Variants in RNF130 observed in about 807,000 individuals in gnomAD.
The protein encoded by RNF130 is E3 ubiquitin-protein ligase RNF130.
A neutral mutation model predicts 44.6 loss-of-function variants in RNF130; 21 were observed. That is an observed-to-expected ratio of 0.47 (90% CI 0.33 to 0.68). The LOEUF (loss-of-function observed/expected upper bound fraction) is 0.68. Among genes scored for constraint, RNF130 ranks in the 30% least tolerant of loss-of-function variants. The pLI is 0.02. For synonymous variants in RNF130, 214 were observed against 210.4 expected (o/e 1.02, Z -0.15); for missense variants, 479 against 560.6 (o/e 0.85, Z 1.47).
At chr5:180,011,790 T>TA (rs1393656160) in intron 3 of RNF130, among the ~76,000 whole-genome samples, 2 of 151,906 alleles carry the variant, frequency 1.3e-5, no homozygotes, top group East Asian at 1.9e-4. Context: ...TTTTTTAAAT[T>TA]AAAAAAGTAT....
chr5:179,920,708 T>A (rs1265306113), intron 7 of RNF130, among the ~76,000 whole-genome samples: 1 of 151,898 alleles, frequency 6.6e-6, no homozygotes, highest in Non-Finnish European at 1.5e-5. Flanking sequence ...CTTAGAAACG[T>A]GAAGACTTCT....
In RNF130 at chr5:179,977,590, C is replaced by T. The variant is rs562948777; in HGVS notation, c.848+613G>A. 3.4e-4 allele frequency among the ~76,000 whole-genome samples: 51 copies of T among 152,176 alleles called. No individual in the cohort carries two copies. Among genetic ancestry groups the T allele is most frequent in the Non-Finnish European group, 5.6e-4 (38 of 68,032 alleles). ...AAAACAGGCCGGGTGCGGTGGCTCA[C>T]GCCTGTAATCCCAGGACTTTGGGAG... is the stretch of plus-strand genomic sequence containing the variant. On this transcript the variant is annotated intron_variant, in intron 5 of 8. Transcript: ENST00000521389. The surrounding 1 kb of genome is among the most constrained non-coding windows in gnomAD (Gnocchi z 4.1).
At position 180,052,777 on chromosome 5, in the gene RNF130, G is replaced by A. The variant is rs112924412; in HGVS notation, c.248-12130C>T. Among the ~76,000 whole-genome samples the A allele has an allele frequency of 5.9e-5, 9 of 152,238 alleles. 1 individual carries two copies. Among genetic ancestry groups the A allele is most frequent in the African/African-American group, 1.7e-4 (7 of 41,540 alleles). On this transcript the variant is annotated intron_variant, in intron 1 of 8. Coordinates refer to ENST00000521389, the MANE Select transcript of RNF130 (RefSeq NM_018434.6). The stretch of plus-strand genomic sequence containing the variant: ...GGGAAATCATAAAATCAGTCCCTAC[G>A]GAGGATTACAGAAAAAGAAAGACTG...
chr5:180,020,596 G>A (rs921228376), intron 2 of RNF130, among the ~76,000 whole-genome samples: 3 of 152,186 alleles, frequency 2.0e-5, no homozygotes, highest in Admixed American at 6.5e-5. Context: ...AAAGCCAAGG[G>A]TCTTCTCTTC....
chr5:180,071,683 GC>G lies in RNF130; in HGVS notation c.19del (p.Ala7ArgfsTer12). 7.2e-7 allele frequency: 1 copy of G among 1,397,366 alleles called. No individual in the cohort carries two copies. The allele number at this position is 1,397,366 out of a possible 1,614,324, so 86.6% of individuals were successfully genotyped here. A position where few individuals can be genotyped will look rare whatever the true frequency, so the allele number is the denominator to read the frequency against. Reference sequence around the variant, plus strand: ...GAGCGCGGCGAGCCGGGCAGGGCCCGCCCGCCCCGCGCAGCTCATCGTCCCT... The same window carrying G: ...GAGCGCGGCGAGCCGGGCAGGGCCCGCCGCCCCGCGCAGCTCATCGTCCCT... MSCAGR[A>X]GPARLAALAL... On this transcript the variant is annotated frameshift_variant, in exon 1 of 9. Coordinates refer to ENST00000521389, the MANE Select transcript of RNF130 (RefSeq NM_018434.6). LOFTEE classifies it high-confidence loss of function.
chr5:179,970,439 G>T lies in RNF130; in HGVS notation c.916C>A (p.Leu306Ile). The stretch of plus-strand genomic sequence containing the variant: ...ATTCCCAGGGCCTTCAATATATTAA[G>T]TTTGCACATAGGACAGGTACAATGT... Reference protein sequence around the residue: ...SEHCTCPMCKLNILKALGIVP... With the variant: ...SEHCTCPMCKINILKALGIVP... Residue 306 changes from leucine to isoleucine, a missense_variant, in exon 6 of 9, where the codon CTT (leucine) becomes ATT (isoleucine). Transcript: ENST00000521389. 1 of 1,613,204 alleles carries T rather than the reference G, an allele frequency of 6.2e-7. No homozygotes were observed. The highest frequency in any genetic ancestry group is 1.7e-5 in the Admixed American group (1 of 59,896).
chr5:179,934,065 A>G (rs895470144), intron 7 of RNF130: 7 of 258,390 alleles, frequency 2.7e-5, no homozygotes, highest in African/African-American at 1.6e-4. Context: ...CAGTGGAATC[A>G]TGCTTCATCA....
intron 1 of RNF130, among the ~76,000 whole-genome samples, chr5:180,060,030 C>T (rs568477274): frequency 3.9e-5 from 6 of 152,162 alleles, no homozygotes; most frequent in South Asian, 2.1e-4. Context: ...GGGTGACAGA[C>T]GGAGAAAGTC....
chr5:179,929,634 G>A (rs1034512049), intron 7 of RNF130, among the ~76,000 whole-genome samples: 3 of 152,112 alleles, frequency 2.0e-5, no homozygotes, highest in African/African-American at 7.2e-5. Context: ...TGTAGTCCCA[G>A]CTATTCAGGA....
intron 3 of RNF130, among the ~76,000 whole-genome samples, chr5:180,010,265 A>T (rs1042063648): frequency 6.6e-6 from 1 of 151,392 alleles, no homozygotes; most frequent in African/African-American, 2.4e-5. Flanking sequence ...AAAAAAAAAA[A>T]AAAAAAAGTA....
chr5:179,934,722 C>A (rs1582127838), intron 7 of RNF130, among the ~76,000 whole-genome samples: 1 of 151,688 alleles, frequency 6.6e-6, no homozygotes, highest in South Asian at 2.1e-4. Context: ...TATTTTTATT[C>A]TTGTAGAGAT....
intron 8 of RNF130, among the ~76,000 whole-genome samples, chr5:179,959,416 A>T (rs1041685541): frequency 6.6e-6 from 1 of 152,180 alleles, no homozygotes; most frequent in African/African-American, 2.4e-5. Flanking sequence ...TCACAAGGTC[A>T]GGAGTTCAAG....
At chr5:179,974,160 G>A (rs568370161) in intron 5 of RNF130, among the ~76,000 whole-genome samples, 1 of 152,312 alleles carries the variant, frequency 6.6e-6, no homozygotes, top group African/African-American at 2.4e-5. Context: ...ACTCTCTTCT[G>A]CTAGCTGGGG....
intron 3 of RNF130, among the ~76,000 whole-genome samples, chr5:179,999,900 C>T (rs1327214607): frequency 1.3e-5 from 2 of 151,934 alleles, no homozygotes; most frequent in African/African-American, 2.4e-5. Flanking sequence ...TTTTAATTGC[C>T]TCTGGTTGTT....
At chr5:180,017,278 T>A (rs1763762773) in intron 2 of RNF130, among the ~76,000 whole-genome samples, 2 of 152,228 alleles carry the variant, frequency 1.3e-5, no homozygotes, top group Admixed American at 1.3e-4. Context: ...GTGTCCCTCC[T>A]CAGCTCGTCA....
intron 1 of RNF130, among the ~76,000 whole-genome samples, chr5:180,052,885 A>C (rs898371752): frequency 1.3e-5 from 2 of 152,232 alleles, no homozygotes; most frequent in Admixed American, 6.5e-5. Flanking sequence ...TACAAGTAAT[A>C]AGAAAAAACC....
chr5:179,939,952 CTT>C (rs34848443), intron 7 of RNF130: 123 of 191,186 alleles, frequency 6.4e-4, no homozygotes, highest in South Asian at 1.8e-3. Flanking sequence ...ATAAACGTCC[CTT>C]TTTTTTTTTT....
chr5:179,947,090 G>T (rs1762053522), intron 7 of RNF130, among the ~76,000 whole-genome samples: 1 of 152,144 alleles, frequency 6.6e-6, no homozygotes. Flanking sequence ...CTTCACGGAA[G>T]TCTCCATACC....
chr5:180,024,578 C>A (rs1464879476), intron 2 of RNF130, among the ~76,000 whole-genome samples: 3 of 151,952 alleles, frequency 2.0e-5, no homozygotes, highest in African/African-American at 7.2e-5. Context: ...AAATTTATAC[C>A]TGTCTTTGAA....
Sources: allele counts gnomAD v4.1 joint callset (sites outside exome capture counted in the v4.1 genomes callset), GRCh38; gene constraint gnomAD v4.1.1; non-coding constraint Gnocchi (gnomAD v3.1); transcripts MANE v1.5; gene names NCBI Gene and HGNC (gene_info 2026-07-23, HGNC 2026-07-21).